The following DPP6 variants were observed in gnomAD, a reference collection of about 807,000 sequenced individuals.
DPP6 encodes dipeptidyl peptidase like 6, also known as A-type potassium channel modulatory protein DPP6.
A neutral mutation model predicts 122.6 loss-of-function variants in DPP6; 69 were observed. The ratio of observed to expected loss-of-function variants is 0.56; its 90% CI spans 0.46 to 0.69. DPP6 has a LOEUF of 0.69. DPP6 is among the 30% of genes least tolerant of loss of function. The pLI is 0.00. For synonymous variants in DPP6, 418 were observed against 433.1 expected, an observed-to-expected ratio of 0.97 and a Z score of 0.43; for missense variants, 928 against 1,116.9, an observed-to-expected ratio of 0.83 and a Z score of 2.41.
chr7:154,327,594 A>T (rs1808560382), intron 1 of DPP6, among the ~76,000 whole-genome samples: 1 of 152,218 alleles, frequency 6.6e-6, no homozygotes, highest in Non-Finnish European at 1.5e-5. Context: ...TAAAAAAATA[A>T]TAAAATTTTG....
chr7:154,328,428 G>A (rs1226106100), intron 1 of DPP6, among the ~76,000 whole-genome samples: 2 of 152,168 alleles, frequency 1.3e-5, no homozygotes, highest in Non-Finnish European at 2.9e-5. Flanking sequence ...GTGTTGTTTT[G>A]AAGATGAATT....
chr7:153,781,220 G>A, the DPP6 span, among the ~76,000 whole-genome samples: 1 of 152,154 alleles, frequency 6.6e-6, no homozygotes, highest in Non-Finnish European at 1.5e-5. Context: ...TGCAGGCTGA[G>A]CTCTTCCACC....
intron 4 of DPP6, among the ~76,000 whole-genome samples, chr7:154,565,548 G>A (rs1830690322): frequency 6.6e-6 from 1 of 152,016 alleles, no homozygotes; most frequent in African/African-American, 2.4e-5. Flanking sequence ...TTTTGGAGAT[G>A]GAGTGTCGCT....
chr7:153,772,240 C>T, the DPP6 span, among the ~76,000 whole-genome samples: 18 of 152,098 alleles, frequency 1.2e-4, no homozygotes, highest in Admixed American at 8.5e-4. Flanking sequence ...CGCACCATCA[C>T]GCTGGGCTAA....
At chr7:154,872,823 A>G in intron 19 of DPP6, 130 bp downstream of exon 19, 1 of 1,497,040 alleles carries the variant, frequency 6.7e-7, no homozygotes, top group Non-Finnish European at 9.0e-7. Flanking sequence ...TGAAAACATA[A>G]CATCGTTTAG....
chr7:154,581,590 G>A (rs1054551846), intron 5 of DPP6, among the ~76,000 whole-genome samples: 11 of 152,364 alleles, frequency 7.2e-5, no homozygotes, highest in African/African-American at 2.2e-4. Context: ...TGACCTGGGG[G>A]ATGAGAGCTT....
intron 1 of DPP6, among the ~76,000 whole-genome samples, chr7:154,005,823 A>T (rs1311701836): frequency 1.3e-5 from 2 of 151,992 alleles, no homozygotes; most frequent in African/African-American, 4.8e-5. Flanking sequence ...GACGAGCTGC[A>T]AGCATGAGCT....
intron 17 of DPP6, among the ~76,000 whole-genome samples, chr7:154,860,860 C>A (rs925602562): frequency 6.6e-6 from 1 of 152,220 alleles, no homozygotes; most frequent in Non-Finnish European, 1.5e-5. Context: ...CGTGGAGCCA[C>A]CACCAAGGTT....
intron 3 of DPP6, among the ~76,000 whole-genome samples, chr7:154,500,379 A>G (rs1265512706): frequency 1.3e-5 from 2 of 152,208 alleles, no homozygotes; most frequent in African/African-American, 4.8e-5. Context: ...CATTTCTATA[A>G]AAAGGAATAG....
At chr7:153,964,866 T>TTC (rs1415951611) in intron 1 of DPP6, among the ~76,000 whole-genome samples, 3 of 137,806 alleles carry the variant, frequency 2.2e-5, no homozygotes, top group African/African-American at 6.7e-5. Flanking sequence ...CCCTTTCCTT[T>TTC]CCTTTCCTTT....
At chr7:154,704,717 A>C (rs6597412) in intron 7 of DPP6, among the ~76,000 whole-genome samples, 2 of 152,220 alleles carry the variant, frequency 1.3e-5, no homozygotes, top group Admixed American at 6.5e-5. Flanking sequence ...AATAACTCAC[A>C]TACATTTTTA....
intron 16 of DPP6, 62 bp downstream of exon 16, chr7:154,807,174 TG>T: frequency 3.9e-6 from 6 of 1,557,490 alleles, no homozygotes; most frequent in Non-Finnish European, 4.3e-6. Flanking sequence ...AGGGAGGGGG[TG>T]GGCACACTTG....
At chr7:154,762,024 T>C (rs1795590915) in intron 8 of DPP6, among the ~76,000 whole-genome samples, 1 of 152,182 alleles carries the variant, frequency 6.6e-6, no homozygotes, top group Admixed American at 6.5e-5. Context: ...TCAGATCTCA[T>C]GAGAAGCCGC....
chr7:154,387,691 C>G (rs1005346066), intron 1 of DPP6, among the ~76,000 whole-genome samples: 2 of 152,224 alleles, frequency 1.3e-5, no homozygotes, highest in African/African-American at 4.8e-5. Context: ...AGCCTCCCCC[C>G]AACCGAGCCC....
intron 1 of DPP6, among the ~76,000 whole-genome samples, chr7:153,888,740 CAAG>C (rs1189713014): frequency 4.7e-5 from 5 of 105,774 alleles, no homozygotes; most frequent in Admixed American, 1.4e-4. Context: ...TGGCGACAGA[CAAG>C]GAGATGGGGA....
chr7:154,124,744 A>G (rs1190772956), intron 1 of DPP6, among the ~76,000 whole-genome samples: 3 of 152,194 alleles, frequency 2.0e-5, no homozygotes, highest in Non-Finnish European at 4.4e-5. Flanking sequence ...GAGAAGACTC[A>G]GGGAAGGGCG....
At chr7:154,034,749 G>T (rs1799433211) in intron 1 of DPP6, among the ~76,000 whole-genome samples, 1 of 151,002 alleles carries the variant, frequency 6.6e-6, no homozygotes, top group Admixed American at 6.6e-5. Context: ...TCACTGCATG[G>T]GAGTATGTGA....
intron 1 of DPP6, among the ~76,000 whole-genome samples, chr7:154,445,183 A>T (rs529905202): frequency 1.3e-5 from 2 of 152,248 alleles, no homozygotes; most frequent in East Asian, 3.9e-4. Flanking sequence ...TCTTCATTCT[A>T]CCTCATTTTG....
intron 6 of DPP6, among the ~76,000 whole-genome samples, chr7:154,655,412 T>G (rs1336566585): frequency 6.6e-6 from 1 of 151,440 alleles, no homozygotes; most frequent in African/African-American, 2.4e-5. Context: ...CAGATCACTT[T>G]ATTCTTCCTT....
Sources: allele counts gnomAD v4.1 joint callset (sites outside exome capture counted in the v4.1 genomes callset), GRCh38; gene constraint gnomAD v4.1.1; transcripts MANE v1.5; gene names NCBI Gene and HGNC (gene_info 2026-07-23, HGNC 2026-07-21).